IL4R: variants seen among roughly 807,000 people sequenced by gnomAD.
IL4R encodes interleukin-4 receptor subunit alpha.
IL4R carries 17 observed loss-of-function variants against 41.5 expected under a neutral mutation model. The observed-to-expected ratio is 0.41, with a 90% CI of 0.28 to 0.61. IL4R has a LOEUF of 0.61. Ranked by LOEUF, IL4R falls within the 20% of genes least tolerant of loss-of-function variation. The pLI is 0.31. For missense variants in IL4R, 974 were observed against 1,043.1 expected, an observed-to-expected ratio of 0.93 and a Z score of 0.91; for synonymous variants, 402 against 422.9, an observed-to-expected ratio of 0.95 and a Z score of 0.61.
chr16:27,354,677 A>G (rs1220406655), intron 7 of IL4R, among the ~76,000 whole-genome samples: 1 of 152,236 alleles, frequency 6.6e-6, no homozygotes, highest in African/African-American at 2.4e-5. Flanking sequence ...CAGTTTCCCC[A>G]TCTGTATAAT....
At position 27,364,112 on chromosome 16, in the gene IL4R, C is replaced by A. The variant is rs3024683; in HGVS notation, c.*282C>A. 3.0e-3 allele frequency: 1,208 copies of A among 405,770 alleles called. 13 individuals carry two copies. The highest frequency in any genetic ancestry group is 0.023 in the African/African-American group (1,124 of 49,546). The allele number at this position is 405,770 out of a possible 1,614,324, so 25.1% of individuals were successfully genotyped here. On this transcript the variant is annotated 3_prime_UTR_variant, in exon 11 of 11. Transcript: ENST00000395762. Reference sequence around the variant, plus strand: ...CTGCAGGAAAACTGAGGCCCTTGGGCACCTCGACTTGTGAACGAGTTGTTG... The same window carrying A: ...CTGCAGGAAAACTGAGGCCCTTGGGAACCTCGACTTGTGAACGAGTTGTTG...
intron 2 of IL4R, among the ~76,000 whole-genome samples, chr16:27,332,442 C>G (rs1329471771): frequency 6.6e-6 from 1 of 152,090 alleles, no homozygotes; most frequent in Admixed American, 6.6e-5. Context: ...CTAATCACCT[C>G]CCATGAGGTC....
In IL4R at chr16:27,355,319, C is replaced by T. The variant is rs181340392; in HGVS notation, c.671-489C>T. ...TGAAAGTGAACAAGGAGAAGTCAAC[C>T]GTGTTGAGATGATGGCAGCTAATGA... On this transcript the variant is annotated intron_variant, in intron 7 of 10. Transcript: ENST00000395762. The T allele has an allele frequency of 6.0e-5, 18 of 298,378 alleles. No homozygotes were observed. In the East Asian group the frequency reaches 1.5e-3, roughly 24 times the overall value. The allele number at this position is 298,378 out of a possible 1,614,324, so 18.5% of individuals were successfully genotyped here.
At chr16:27,355,738 A>T in intron 7 of IL4R, 70 bp from the exon 8 acceptor site, 1 of 1,095,086 alleles carries the variant, frequency 9.1e-7, no homozygotes, top group Non-Finnish European at 1.4e-6. Context: ...CTGGGTCTCC[A>T]GTCCTGGGAA....
At chr16:27,360,848 G>A in intron 10 of IL4R, 33 bp downstream of exon 10, 1 of 1,614,144 alleles carries the variant, frequency 6.2e-7, no homozygotes, top group East Asian at 2.2e-5. Flanking sequence ...CAGCCTGCAT[G>A]CATTGGGAAG....
Position 27,345,286 on chromosome 16 carries a change from A to G in IL4R, c.361+266A>G, listed in dbSNP as rs3024559. Reference sequence around the variant, plus strand: ...CTTAAGTGCCCAGGAAGGCGTATTGAGATGAGGTGTGCTTGCTGGAAGGCA... The same window carrying G: ...CTTAAGTGCCCAGGAAGGCGTATTGGGATGAGGTGTGCTTGCTGGAAGGCA... On this transcript the variant is annotated intron_variant, in intron 5 of 10. Coordinates refer to ENST00000395762, the MANE Select transcript of IL4R (RefSeq NM_000418.4). The surrounding 1 kb of genome is among the most constrained non-coding windows in gnomAD (Gnocchi z 4.5). 6.4e-3 allele frequency: 3,851 copies of G among 605,076 alleles called. 122 individuals carry two copies. Among genetic ancestry groups the G allele is most frequent in the African/African-American group, 0.061 (3,330 of 54,778 alleles). 37.5% of individuals were successfully genotyped at this position (605,076 alleles called of 1,614,324 possible). A position where few individuals can be genotyped will look rare whatever the true frequency, so the allele number is the denominator to read the frequency against.
At chr16:27,325,871 C>T (rs958250364) in intron 1 of IL4R, among the ~76,000 whole-genome samples, 2 of 152,134 alleles carry the variant, frequency 1.3e-5, no homozygotes, top group East Asian at 3.8e-4. Context: ...AGTCCTGCAG[C>T]TTGCCCAGCA....
At chr16:27,339,758 A>T (rs2085376876) in intron 2 of IL4R, among the ~76,000 whole-genome samples, 1 of 151,952 alleles carries the variant, frequency 6.6e-6, no homozygotes. Context: ...GCAGAGACAC[A>T]AATGGCCAGG....
At chr16:27,358,873 G>A in intron 8 of IL4R, 43 bp from the exon 9 acceptor site, 2 of 1,464,774 alleles carry the variant, frequency 1.4e-6, no homozygotes, top group Non-Finnish European at 1.9e-6. Flanking sequence ...GCGTTCACCT[G>A]TCAATAATTC....
At chr16:27,319,635 G>A (rs1714139779) in intron 1 of IL4R, among the ~76,000 whole-genome samples, 1 of 152,144 alleles carries the variant, frequency 6.6e-6, no homozygotes, top group African/African-American at 2.4e-5. Context: ...ATTATTTTAT[G>A]AATGAGCACC....
At chr16:27,318,353 A>G (rs1311988692) in intron 1 of IL4R, among the ~76,000 whole-genome samples, 1 of 152,128 alleles carries the variant, frequency 6.6e-6, no homozygotes, top group East Asian at 1.9e-4. Flanking sequence ...GACCTGCAAT[A>G]TCCTATCAGG....
Position 27,358,953 on chromosome 16 carries a change from G to A in IL4R, c.808G>A (p.Ala270Thr), listed in dbSNP as rs200563878. 1.9e-6 allele frequency: 3 copies of A among 1,614,042 alleles called. No individual in the cohort carries two copies. Among genetic ancestry groups the A allele is most frequent in the African/African-American group, 1.3e-5 (1 of 75,046 alleles). Residue 270 changes from alanine (A) to threonine (T), a missense_variant, in exon 9 of 11, where the codon GCC (alanine) becomes ACC (threonine). Physicochemically the swap from Ala to Thr is moderately conservative, Grantham distance 58. Transcript: ENST00000395762. ...KEWWDQIPNP[A>T]RSRLVAIIIQ... is the part of the protein sequence containing the mutation. ...ATGGTGGGATCAGATTCCCAACCCA[G>A]CCCGCAGCCGCCTCGTGGCTATAAT...
At chr16:27,354,399 G>T (rs951625349) in intron 7 of IL4R, among the ~76,000 whole-genome samples, 2 of 152,200 alleles carry the variant, frequency 1.3e-5, no homozygotes, top group African/African-American at 4.8e-5. Context: ...AGGCTGCTAC[G>T]AGAGAGTGTA....
intron 6 of IL4R, 128 bp downstream of exon 6, chr16:27,346,746 G>C (rs2085660880): frequency 1.0e-6 from 1 of 1,002,414 alleles, no homozygotes; most frequent in Non-Finnish European, 1.5e-6. Context: ...AATCCCAGGA[G>C]CTAGAGACCT....
chr16:27,333,909 G>C (rs148174736), intron 2 of IL4R, among the ~76,000 whole-genome samples: 4,350 of 151,108 alleles, frequency 0.029, 207 homozygotes, highest in African/African-American at 0.099. Flanking sequence ...TTCTGAGACA[G>C]TCTTGCTCTG....
chr16:27,331,672 C>T (rs766104115), intron 2 of IL4R, among the ~76,000 whole-genome samples: 1 of 152,040 alleles, frequency 6.6e-6, no homozygotes, highest in Non-Finnish European at 1.5e-5. Flanking sequence ...TTGCACACTG[C>T]ACTTAGATCC....
chr16:27,320,100 C>T (rs2084768307), intron 1 of IL4R, among the ~76,000 whole-genome samples: 1 of 152,236 alleles, frequency 6.6e-6, no homozygotes, highest in Non-Finnish European at 1.5e-5. Context: ...CTCCTGGCCT[C>T]AGGTGATCCA....
At chr16:27,361,820 C>G (rs1003966816) in intron 10 of IL4R, among the ~76,000 whole-genome samples, 4 of 151,890 alleles carry the variant, frequency 2.6e-5, no homozygotes, top group Non-Finnish European at 5.9e-5. Flanking sequence ...GGCTTGGGCT[C>G]TGTTGCCCAG....
At chr16:27,323,051 G>C (rs1041192430) in intron 1 of IL4R, among the ~76,000 whole-genome samples, 4 of 152,098 alleles carry the variant, frequency 2.6e-5, no homozygotes, top group Non-Finnish European at 5.9e-5. Flanking sequence ...CACCCATCCA[G>C]GAATGGTATG....
Sources: allele counts gnomAD v4.1 joint callset (sites outside exome capture counted in the v4.1 genomes callset), GRCh38; gene constraint gnomAD v4.1.1; non-coding constraint Gnocchi (gnomAD v3.1); transcripts MANE v1.5; gene names NCBI Gene and HGNC (gene_info 2026-07-23, HGNC 2026-07-21).